The following MGMT variants were observed in gnomAD, a reference collection of about 807,000 sequenced individuals.
MGMT encodes methylated-DNA--protein-cysteine methyltransferase.
Under a neutral mutation model 15.9 loss-of-function variants are expected in MGMT, and 14 were observed. The observed-to-expected ratio is 0.88, with a 90% CI of 0.58 to 1.37. The LOEUF (loss-of-function observed/expected upper bound fraction) is 1.37. MGMT is among the 40% of genes most tolerant of loss of function. The pLI is 0.00. For synonymous variants in MGMT, 130 were observed against 118.2 expected, an observed-to-expected ratio of 1.10 and a Z score of -0.65; for missense variants, 282 against 268.1, an observed-to-expected ratio of 1.05 and a Z score of -0.36.
At chr10:129,728,682 G>A (rs1848461184) in intron 3 of MGMT, among the ~76,000 whole-genome samples, 1 of 151,968 alleles carries the variant, frequency 6.6e-6, no homozygotes, top group African/African-American at 2.4e-5. Context: ...GCAGGTCTCA[G>A]CACCAGCGTT....
chr10:129,719,981 C>G (rs1848350296), intron 3 of MGMT, among the ~76,000 whole-genome samples: 1 of 152,200 alleles, frequency 6.6e-6, no homozygotes, highest in Admixed American at 6.5e-5. Context: ...TCCACCTGGT[C>G]CTTTGGAACT....
At chr10:129,612,882 C>T (rs928512650) in intron 2 of MGMT, among the ~76,000 whole-genome samples, 1 of 152,192 alleles carries the variant, frequency 6.6e-6, no homozygotes, top group Non-Finnish European at 1.5e-5. Flanking sequence ...GGACTCTGCC[C>T]GTCCTTCCTG....
intron 1 of MGMT, among the ~76,000 whole-genome samples, chr10:129,493,677 G>T (rs954449747): frequency 2.0e-5 from 3 of 152,140 alleles, no homozygotes; most frequent in African/African-American, 7.2e-5. Flanking sequence ...GTTTTAAGAG[G>T]GGTCACTGTG....
intron 1 of MGMT, among the ~76,000 whole-genome samples, chr10:129,525,134 A>G (rs1394512775): frequency 6.6e-6 from 1 of 152,176 alleles, no homozygotes; most frequent in East Asian, 1.9e-4. Context: ...ACACACACAC[A>G]CAGCAGTTTG....
At chr10:129,509,791 T>C (rs11016823) in intron 1 of MGMT, among the ~76,000 whole-genome samples, 32,947 of 152,204 alleles carry the variant, frequency 0.22, 4,171 homozygotes, top group Non-Finnish European at 0.28. Flanking sequence ...AAACCTAACT[T>C]CTGGGTTTTA....
intron 2 of MGMT, chr10:129,701,775 GAA>G (rs1388247803): frequency 6.6e-6 from 1 of 152,150 alleles, no homozygotes; most frequent in East Asian, 1.9e-4. Flanking sequence ...ACAGTCAAAG[GAA>G]GCCCGTGTCC....
chr10:129,508,232 C>G (rs10764882), intron 1 of MGMT, among the ~76,000 whole-genome samples: 71,346 of 151,920 alleles, frequency 0.47, 17,214 homozygotes, highest in East Asian at 0.63. Flanking sequence ...GGCCACACCA[C>G]TCCAGCCCGC....
intron 1 of MGMT, among the ~76,000 whole-genome samples, chr10:129,521,945 C>T (rs564722739): frequency 3.3e-5 from 5 of 152,336 alleles, no homozygotes; most frequent in African/African-American, 9.6e-5. Context: ...CAGAAGGAAG[C>T]GTGCCGGTGC....
At chr10:129,550,858 A>C (rs142680067) in intron 2 of MGMT, among the ~76,000 whole-genome samples, 1 of 152,118 alleles carries the variant, frequency 6.6e-6, no homozygotes, top group Admixed American at 6.5e-5. Context: ...TTCCGTCTTG[A>C]TGCTAACACA....
At chr10:129,756,172 A>G (rs1848803671) in intron 3 of MGMT, among the ~76,000 whole-genome samples, 1 of 152,236 alleles carries the variant, frequency 6.6e-6, no homozygotes, top group Non-Finnish European at 1.5e-5. Context: ...TATGGTGCAC[A>G]CATTTAAATA....
intron 3 of MGMT, among the ~76,000 whole-genome samples, chr10:129,715,158 T>C (rs1026893318): frequency 2.0e-5 from 3 of 152,198 alleles, no homozygotes; most frequent in African/African-American, 7.2e-5. Flanking sequence ...ACTTGTAATA[T>C]GTAAAATTAT....
chr10:129,758,151 C>G (rs181997196), intron 3 of MGMT, among the ~76,000 whole-genome samples: 1 of 152,272 alleles, frequency 6.6e-6, no homozygotes, highest in East Asian at 1.9e-4. Context: ...GATTATCGTT[C>G]CCTTCAGTTA....
At chr10:129,639,718 T>C (rs1182225745) in intron 2 of MGMT, among the ~76,000 whole-genome samples, 3 of 152,120 alleles carry the variant, frequency 2.0e-5, no homozygotes, top group Non-Finnish European at 2.9e-5. Flanking sequence ...ACATTAAGTT[T>C]TTATAATAGC....
intron 1 of MGMT, among the ~76,000 whole-genome samples, chr10:129,473,435 G>A (rs1287682952): frequency 1.3e-5 from 2 of 152,240 alleles, no homozygotes; most frequent in African/African-American, 4.8e-5. Flanking sequence ...CCCCATGAAG[G>A]AGAAGGCGCT....
intron 3 of MGMT, among the ~76,000 whole-genome samples, chr10:129,755,601 C>A (rs2064114326): frequency 6.6e-6 from 1 of 152,226 alleles, no homozygotes; most frequent in Admixed American, 6.5e-5. Context: ...ACCCATGGAG[C>A]TGTGATGGTT....
intron 1 of MGMT, among the ~76,000 whole-genome samples, chr10:129,503,001 A>G (rs1845589771): frequency 6.6e-6 from 1 of 152,156 alleles, no homozygotes; most frequent in South Asian, 2.1e-4. Context: ...ACAGATATTT[A>G]GAGTTATTGT....
At chr10:129,709,052 T>A (rs1272277461) in intron 3 of MGMT, among the ~76,000 whole-genome samples, 1 of 152,224 alleles carries the variant, frequency 6.6e-6, no homozygotes, top group Admixed American at 6.5e-5. Context: ...GTTTTGTGCA[T>A]AATGAACTGA....
intron 2 of MGMT, among the ~76,000 whole-genome samples, chr10:129,669,212 T>G (rs1448915410): frequency 6.6e-6 from 1 of 152,120 alleles, no homozygotes; most frequent in Non-Finnish European, 1.5e-5. Flanking sequence ...TTTTTTTTGT[T>G]AAGAGACAGA....
At chr10:129,470,212 T>A (rs146852513) in intron 1 of MGMT, among the ~76,000 whole-genome samples, 2 of 152,272 alleles carry the variant, frequency 1.3e-5, no homozygotes, top group Non-Finnish European at 2.9e-5. Flanking sequence ...GGTCCTTGGT[T>A]GGCATGAGGA....
Sources: allele counts gnomAD v4.1 joint callset (sites outside exome capture counted in the v4.1 genomes callset), GRCh38; gene constraint gnomAD v4.1.1; transcripts MANE v1.5; gene names NCBI Gene and HGNC (gene_info 2026-07-23, HGNC 2026-07-21).